The following CPNE4 variants were observed in gnomAD, a reference collection of about 807,000 sequenced individuals.
The protein encoded by CPNE4 is copine 4.
CPNE4 carries 25 observed loss-of-function variants against 67.9 expected under a neutral mutation model. The observed-to-expected ratio is 0.37, with a 90% CI of 0.27 to 0.51. The LOEUF is 0.51. CPNE4 is among the 20% of genes least tolerant of loss of function. CPNE4 has a pLI of 0.93. For missense variants in CPNE4, 464 were observed against 690.8 expected, an observed-to-expected ratio of 0.67 and a Z score of 3.68; for synonymous variants, 242 against 244.9, an observed-to-expected ratio of 0.99 and a Z score of 0.11.
intron 5 of CPNE4, among the ~76,000 whole-genome samples, chr3:131,692,647 G>A (rs763636081): frequency 9.9e-5 from 15 of 152,166 alleles, no homozygotes; most frequent in Non-Finnish European, 1.6e-4. Flanking sequence ...TGGGGACAGA[G>A]ATCAGGTGTC....
At chr3:131,907,351 T>C (rs1319557735) in intron 1 of CPNE4, among the ~76,000 whole-genome samples, 3 of 152,120 alleles carry the variant, frequency 2.0e-5, no homozygotes, top group Non-Finnish European at 2.9e-5. Flanking sequence ...ATCTATAAAA[T>C]GGGAATAATT....
chr3:131,777,314 T>C (rs1191945584), intron 2 of CPNE4, among the ~76,000 whole-genome samples: 2 of 151,756 alleles, frequency 1.3e-5, no homozygotes, highest in East Asian at 3.9e-4. Context: ...CAGAAAGGGA[T>C]GTGAGATATG....
chr3:131,982,904 C>T lies in CPNE4; in HGVS notation c.-2+51663G>A, dbSNP rs530640154. Among the ~76,000 whole-genome samples the T allele has an allele frequency of 2.6e-5, 4 of 151,974 alleles. No homozygotes were observed. In the South Asian group the frequency reaches 8.3e-4, roughly 32 times the overall value. ...TGCCTACATTATCATCATGGATGCT[C>T]TAAAGTTTATGCTTCTATTAAAGTG... On this transcript the variant is annotated intron_variant, in intron 1 of 15. Coordinates refer to ENST00000429747, the MANE Select transcript of CPNE4 (RefSeq NM_130808.3).
At chr3:132,028,924 C>CTTT (rs67866239) in intron 1 of CPNE4, among the ~76,000 whole-genome samples, 2 of 142,506 alleles carry the variant, frequency 1.4e-5, no homozygotes, top group Non-Finnish European at 1.5e-5. Flanking sequence ...CTTAATTTTT[C>CTTT]TTTTTTTTTT....
intron 2 of CPNE4, among the ~76,000 whole-genome samples, chr3:131,780,809 G>A (rs1025985292): frequency 4.0e-5 from 6 of 151,890 alleles, no homozygotes; most frequent in Non-Finnish European, 8.8e-5. Flanking sequence ...TAACAAACCT[G>A]CACACGTACC....
At chr3:131,693,184 T>C (rs1463121828) in intron 5 of CPNE4, among the ~76,000 whole-genome samples, 1 of 152,164 alleles carries the variant, frequency 6.6e-6, no homozygotes, top group Non-Finnish European at 1.5e-5. Flanking sequence ...TCACTGTGGT[T>C]TGCAAAAGTA....
At chr3:131,729,239 A>C (rs2082073187) in intron 2 of CPNE4, among the ~76,000 whole-genome samples, 1 of 152,224 alleles carries the variant, frequency 6.6e-6, no homozygotes, top group African/African-American at 2.4e-5. Context: ...GCTTATAATT[A>C]GGTATTCCTT....
chr3:131,588,779 C>T (rs1021289055), intron 7 of CPNE4, among the ~76,000 whole-genome samples: 3 of 152,126 alleles, frequency 2.0e-5, no homozygotes, highest in Non-Finnish European at 4.4e-5. Context: ...TCCACTCACC[C>T]TCCCACATCA....
intron 2 of CPNE4, among the ~76,000 whole-genome samples, chr3:131,876,326 AG>A (rs1358417687): frequency 6.6e-6 from 1 of 151,948 alleles, no homozygotes; most frequent in Non-Finnish European, 1.5e-5. Context: ...ATTTTTTGTG[AG>A]AATGTTTTAT....
At chr3:131,688,803 A>G (rs1467369170) in intron 5 of CPNE4, among the ~76,000 whole-genome samples, 1 of 152,218 alleles carries the variant, frequency 6.6e-6, no homozygotes, top group Non-Finnish European at 1.5e-5. Flanking sequence ...TCAAAATTCC[A>G]TAACCATCAA....
intron 7 of CPNE4, among the ~76,000 whole-genome samples, chr3:131,623,664 C>A (rs540101162): frequency 6.6e-6 from 1 of 152,224 alleles, no homozygotes; most frequent in African/African-American, 2.4e-5. Context: ...GCAGTGTGAT[C>A]TGTGGATCAG....
At chr3:131,836,573 C>T (rs2085564181) in intron 2 of CPNE4, among the ~76,000 whole-genome samples, 1 of 152,172 alleles carries the variant, frequency 6.6e-6, no homozygotes, top group South Asian at 2.1e-4. Context: ...ACTCTCACCA[C>T]TTCTTTTCAA....
chr3:131,603,954 T>C (rs756857646), intron 7 of CPNE4, among the ~76,000 whole-genome samples: 1 of 152,166 alleles, frequency 6.6e-6, no homozygotes, highest in Non-Finnish European at 1.5e-5. Flanking sequence ...TAAATTCTTG[T>C]CCTATTCTTA....
intron 2 of CPNE4, among the ~76,000 whole-genome samples, chr3:131,839,745 G>GA (rs79837158): frequency 6.6e-6 from 1 of 151,798 alleles, no homozygotes; most frequent in East Asian, 1.9e-4. Context: ...GTTATAAAAA[G>GA]AAAAAAAGAC....
intron 2 of CPNE4, among the ~76,000 whole-genome samples, chr3:131,739,967 A>C (rs2082320669): frequency 6.6e-6 from 1 of 152,212 alleles, no homozygotes; most frequent in Admixed American, 6.5e-5. Flanking sequence ...ACTTGCCCTA[A>C]TTCTTTTTCA....
At chr3:131,661,417 A>G (rs961059339) in intron 7 of CPNE4, among the ~76,000 whole-genome samples, 3 of 152,210 alleles carry the variant, frequency 2.0e-5, no homozygotes, top group African/African-American at 7.2e-5. Context: ...GAGAATATGT[A>G]GTTTTTCTCT....
chr3:131,920,060 A>C (rs1385473833), intron 1 of CPNE4, among the ~76,000 whole-genome samples: 1 of 152,146 alleles, frequency 6.6e-6, no homozygotes, highest in Non-Finnish European at 1.5e-5. Flanking sequence ...TGTTAAACTC[A>C]AATCTGATCA....
At chr3:132,000,946 T>C (rs928543577) in intron 1 of CPNE4, among the ~76,000 whole-genome samples, 2 of 151,796 alleles carry the variant, frequency 1.3e-5, no homozygotes, top group Non-Finnish European at 1.5e-5. Flanking sequence ...ATCAATCACA[T>C]TTTACAGATG....
chr3:131,950,776 C>T (rs192907942), intron 1 of CPNE4, among the ~76,000 whole-genome samples: 1 of 152,310 alleles, frequency 6.6e-6, no homozygotes, highest in East Asian at 1.9e-4. Context: ...GTACCTATTT[C>T]ACTTCTACCC....
Sources: gnomAD v4.1 joint callset for allele counts (sites outside exome capture counted in the v4.1 genomes callset) on GRCh38, gnomAD v4.1.1 for gene constraint, MANE v1.5 for transcripts, NCBI Gene and HGNC (gene_info 2026-07-23, HGNC 2026-07-21) for gene names.